The following ZNF362 variants were observed in gnomAD, a reference collection of about 807,000 sequenced individuals.
ZNF362 encodes the protein zinc finger protein 362.
Under a neutral mutation model 42.9 loss-of-function variants are expected in ZNF362, and 11 were observed. That is an observed-to-expected ratio of 0.26 (90% CI 0.16 to 0.42). ZNF362 has a LOEUF of 0.42. ZNF362 is among the 20% of genes least tolerant of loss of function. ZNF362 has a pLI of 1.00. For synonymous variants in ZNF362, 255 were observed against 257.3 expected, an observed-to-expected ratio of 0.99 and a Z score of 0.09; for missense variants, 362 against 576.2, an observed-to-expected ratio of 0.63 and a Z score of 3.81.
At chr1:33,203,434 G>C in the ZNF362 span, among the ~76,000 whole-genome samples, 8 of 152,126 alleles carry the variant, frequency 5.3e-5, no homozygotes, top group African/African-American at 1.9e-4. Flanking sequence ...CAATGAACAT[G>C]GGAGTACAGA....
chr1:33,147,736 G>T, the ZNF362 span: 2 of 1,604,726 alleles, frequency 1.2e-6, no homozygotes, highest in South Asian at 1.1e-5. This position sits in a 1 kb window ranked among gnomAD's most constrained non-coding sequence, Gnocchi z 8.1. Context: ...CACTGTGGGG[G>T]TTGGAGGAGG....
the ZNF362 span, chr1:33,163,501 A>T: frequency 1.3e-5 from 2 of 152,244 alleles, no homozygotes; most frequent in Admixed American, 1.3e-4. Context: ...GTTCTGCTCA[A>T]CTGGTGCACC....
the ZNF362 span, among the ~76,000 whole-genome samples, chr1:33,211,633 G>A: frequency 6.6e-6 from 1 of 152,038 alleles, no homozygotes; most frequent in African/African-American, 2.4e-5. Flanking sequence ...CCCTTTGTGG[G>A]TAACCCGCCC....
At chr1:33,136,350 C>T in the ZNF362 span, among the ~76,000 whole-genome samples, 2 of 144,078 alleles carry the variant, frequency 1.4e-5, no homozygotes, top group South Asian at 2.2e-4. Flanking sequence ...TTCCTTCTTT[C>T]TCTCTCTCTC....
chr1:33,131,494 G>T, the ZNF362 span, among the ~76,000 whole-genome samples: 10 of 152,158 alleles, frequency 6.6e-5, no homozygotes, highest in African/African-American at 2.2e-4. Flanking sequence ...TGTGTTATAA[G>T]TGTAAAATAC....
chr1:33,137,341 G>T, the ZNF362 span, among the ~76,000 whole-genome samples: 1 of 152,090 alleles, frequency 6.6e-6, no homozygotes, highest in Non-Finnish European at 1.5e-5. Flanking sequence ...GGATAAAAAT[G>T]GTATCTCCTC....
chr1:33,159,959 C>A, the ZNF362 span: 1 of 1,595,356 alleles, frequency 6.3e-7, no homozygotes, highest in Non-Finnish European at 8.5e-7. The surrounding 1 kb of genome is among the most constrained non-coding windows in gnomAD (Gnocchi z 4.2). Context: ...GGGGGACAGT[C>A]GTCAGGGGTT....
chr1:33,155,821 G>A, the ZNF362 span, among the ~76,000 whole-genome samples: 1 of 152,178 alleles, frequency 6.6e-6, no homozygotes, highest in Admixed American at 6.5e-5. Flanking sequence ...CCTTGGGGGG[G>A]ATCTGTGATT....
chr1:33,208,047 CT>C, the ZNF362 span, among the ~76,000 whole-genome samples: 10 of 152,148 alleles, frequency 6.6e-5, no homozygotes, highest in African/African-American at 2.4e-4. Flanking sequence ...ATGGTATTGC[CT>C]AGGTTTTCTT....
the ZNF362 span, among the ~76,000 whole-genome samples, chr1:33,229,156 T>C: frequency 1.3e-5 from 2 of 152,084 alleles, no homozygotes; most frequent in East Asian, 3.9e-4. Context: ...CACCCAGGAC[T>C]CTCTAGCCCC....
At chr1:33,221,456 C>T in the ZNF362 span, among the ~76,000 whole-genome samples, 1 of 152,200 alleles carries the variant, frequency 6.6e-6, no homozygotes, top group African/African-American at 2.4e-5. Context: ...ACCCACATCA[C>T]CAAGATTATA....
the ZNF362 span, among the ~76,000 whole-genome samples, chr1:33,227,210 G>A: frequency 1.3e-5 from 2 of 152,128 alleles, no homozygotes; most frequent in Non-Finnish European, 2.9e-5. Flanking sequence ...CAATAAAACT[G>A]TTACTAAGAA....
the ZNF362 span, among the ~76,000 whole-genome samples, chr1:33,168,520 G>A: frequency 6.6e-6 from 1 of 152,304 alleles, no homozygotes; most frequent in Admixed American, 6.5e-5. Context: ...CAGCTCTCAG[G>A]AGCCAGTGCA....
chr1:33,278,612 C>T (rs1645968189), intron 4 of ZNF362, among the ~76,000 whole-genome samples: 1 of 152,190 alleles, frequency 6.6e-6, no homozygotes, highest in Non-Finnish European at 1.5e-5. Context: ...CTAGAGAGAA[C>T]CACAATTAGC....
the ZNF362 span, among the ~76,000 whole-genome samples, chr1:33,130,665 C>A: frequency 1.3e-5 from 2 of 152,118 alleles, no homozygotes; most frequent in African/African-American, 4.8e-5. Context: ...GGTTCTTGAC[C>A]CTCAGAAAGG....
chr1:33,255,492 C>G (rs1645780664), upstream of ZNF362, among the ~76,000 whole-genome samples: 1 of 152,126 alleles, frequency 6.6e-6, no homozygotes, highest in Admixed American at 6.6e-5. Context: ...CCGGCTGCCT[C>G]CTCAGGTAGA....
rs865798908 is a variant in ZNF362 at position 33,294,558 on chromosome 1, G to T, written c.909-379G>T. Among the ~76,000 whole-genome samples, 17 of 152,306 alleles carry T rather than the reference G, an allele frequency of 1.1e-4. No homozygotes were observed. The highest frequency in any genetic ancestry group is 3.9e-4 in the African/African-American group (16 of 41,558). On this transcript the variant is annotated intron_variant, in intron 6 of 8. Coordinates refer to ENST00000539719, the MANE Select transcript of ZNF362 (RefSeq NM_152493.3). The surrounding 1 kb of genome is among the most constrained non-coding windows in gnomAD (Gnocchi z 4.2). ...GGAAGGAGGCTGGGTGGGCAGGGAA[G>T]GTCCCGACAAAGCTGTGCATCTGTG... is the stretch of plus-strand genomic sequence containing the variant.
At chr1:33,263,486 C>A (rs1046599863) in intron 1 of ZNF362, among the ~76,000 whole-genome samples, 1 of 151,894 alleles carries the variant, frequency 6.6e-6, no homozygotes, top group Non-Finnish European at 1.5e-5. Context: ...TCTTGGCTCG[C>A]TGCAACCTCC....
chr1:33,229,055 G>T, the ZNF362 span, among the ~76,000 whole-genome samples: 1 of 151,984 alleles, frequency 6.6e-6, no homozygotes, highest in East Asian at 1.9e-4. Context: ...TGTAGGGCTT[G>T]TTCTCACATT....
Sources: gnomAD v4.1 joint callset for allele counts (sites outside exome capture counted in the v4.1 genomes callset) on GRCh38, gnomAD v4.1.1 for gene constraint, Gnocchi (gnomAD v3.1) non-coding constraint, MANE v1.5 for transcripts, NCBI Gene and HGNC (gene_info 2026-07-23, HGNC 2026-07-21) for gene names.